Variants in PPP2R2B observed in about 807,000 individuals in gnomAD.
PPP2R2B encodes the protein serine/threonine-protein phosphatase 2A 55 kDa regulatory subunit B beta isoform.
PPP2R2B carries 5 observed loss-of-function variants against 46.0 expected under a neutral mutation model. The ratio of observed to expected loss-of-function variants is 0.11; its 90% CI spans 0.06 to 0.23. PPP2R2B has a LOEUF of 0.23. Among genes scored for constraint, PPP2R2B ranks in the 10% least tolerant of loss-of-function variants. The probability of loss-of-function intolerance (pLI) is 1.00; values close to 1 mark genes in which losing one functional copy is unlikely to be tolerated. For missense variants in PPP2R2B, 367 were observed against 575.0 expected (o/e 0.64, Z 3.70); for synonymous variants, 215 against 206.7 (o/e 1.04, Z -0.34).
At chr5:146,984,580 AATGT>A (rs879681073) in intron 1 of PPP2R2B, among the ~76,000 whole-genome samples, 1 of 152,146 alleles carries the variant, frequency 6.6e-6, no homozygotes, top group Non-Finnish European at 1.5e-5. Context: ...AACTGATTTT[AATGT>A]CTTTGTGAAT....
At chr5:146,735,584 A>G (rs1320027790) in intron 2 of PPP2R2B, among the ~76,000 whole-genome samples, 1 of 152,178 alleles carries the variant, frequency 6.6e-6, no homozygotes, top group Non-Finnish European at 1.5e-5. Context: ...GGGGAAAAAA[A>G]GAGTCTCACA....
intron 1 of PPP2R2B, among the ~76,000 whole-genome samples, chr5:146,947,115 A>T (rs1764508859): frequency 6.6e-6 from 1 of 152,146 alleles, no homozygotes; most frequent in Non-Finnish European, 1.5e-5. Context: ...TTAGGGAAAA[A>T]TTCCATAATA....
At chr5:146,680,373 T>C (rs1778070514) in intron 5 of PPP2R2B, among the ~76,000 whole-genome samples, 1 of 139,142 alleles carries the variant, frequency 7.2e-6, no homozygotes, top group Non-Finnish European at 1.5e-5. Flanking sequence ...GGAAGGGGAA[T>C]ATCACACTCT....
intron 9 of PPP2R2B, 72 bp downstream of exon 9, chr5:146,592,899 A>T: frequency 6.9e-7 from 1 of 1,451,470 alleles, no homozygotes. Context: ...GCTGTACTCT[A>T]CTTAGGATAA....
At chr5:146,714,444 C>T (rs939780586) in intron 2 of PPP2R2B, among the ~76,000 whole-genome samples, 2 of 151,956 alleles carry the variant, frequency 1.3e-5, no homozygotes, top group Non-Finnish European at 2.9e-5. Context: ...CAAGAGAGTA[C>T]TTTCACAGTG....
At position 146,585,701 on chromosome 5, in the gene PPP2R2B, G is replaced by A. The variant is rs1309827770; in HGVS notation, c.*4246C>T. 6.6e-6 allele frequency: 1 copy of A among 152,208 alleles called. No homozygotes were observed. Among genetic ancestry groups the A allele is most frequent in the Non-Finnish European group, 1.5e-5 (1 of 68,044 alleles). The allele number at this position is 152,208 out of a possible 1,614,324, so 9.4% of individuals were successfully genotyped here. On this transcript the variant is annotated 3_prime_UTR_variant, in exon 10 of 10. Transcript: ENST00000394411. ...TGCCACCATGGGGTCTGGGAGAGGA[G>A]ATAATGAGATGAGGCATGGAAAGCA...
Position 146,588,033 on chromosome 5 carries a change from A to G in PPP2R2B, c.*1914T>C, listed in dbSNP as rs907631845. ...GCCTTCTGCAAAATCATCACTCTCTATGACTGGCAGAAGTTTCTGACTCTC... is the reference window on the plus strand; with the variant it reads ...GCCTTCTGCAAAATCATCACTCTCTGTGACTGGCAGAAGTTTCTGACTCTC... On this transcript the variant is annotated 3_prime_UTR_variant, in exon 10 of 10. Coordinates refer to ENST00000394411, the MANE Select transcript of PPP2R2B (RefSeq NM_181675.4). 1 of 152,166 alleles carries G rather than the reference A, an allele frequency of 6.6e-6. No individual in the cohort carries two copies. The highest frequency in any genetic ancestry group is 1.5e-5 in the Non-Finnish European group (1 of 68,028). 9.4% of individuals were successfully genotyped at this position (152,166 alleles called of 1,614,324 possible). A position where few individuals can be genotyped will look rare whatever the true frequency, so the allele number is the denominator to read the frequency against.
chr5:146,680,164 G>C (rs552671181), intron 5 of PPP2R2B, among the ~76,000 whole-genome samples: 1,067 of 141,952 alleles, frequency 7.5e-3, no homozygotes, highest in Non-Finnish European at 0.011. Flanking sequence ...AACAATGATA[G>C]ACTGGATTAA....
intron 7 of PPP2R2B, among the ~76,000 whole-genome samples, chr5:146,603,170 A>G (rs914490659): frequency 5.3e-5 from 8 of 152,202 alleles, no homozygotes; most frequent in Non-Finnish European, 1.2e-4. Flanking sequence ...AGTATATGCC[A>G]TCACTATTTT....
Position 146,809,617 on chromosome 5 carries a change from G to T in PPP2R2B, c.70+68385C>A, listed in dbSNP as rs72823280. 3.1e-3 allele frequency among the ~76,000 whole-genome samples: 476 copies of T among 152,310 alleles called. 10 individuals are homozygous for T. The South Asian group carries it at 0.041, about 13-fold the overall frequency. ...GGAAGGACGAAGCAGCTAGCCTGCA[G>T]CCAGAGCTTAGTAAGCAAGGAGTGG... On this transcript the variant is annotated intron_variant, in intron 2 of 9. Transcript: ENST00000394411.
chr5:147,042,230 C>G (rs1249828321), intron 1 of PPP2R2B, among the ~76,000 whole-genome samples: 1 of 152,078 alleles, frequency 6.6e-6, no homozygotes. Flanking sequence ...AGACCCCCCC[C>G]TCCCCTTTCT....
At chr5:146,959,502 TG>T (rs999369399) in intron 1 of PPP2R2B, among the ~76,000 whole-genome samples, 7 of 152,196 alleles carry the variant, frequency 4.6e-5, no homozygotes, top group Non-Finnish European at 8.8e-5. Context: ...ACCTATTGCC[TG>T]GCAGAGTGAG....
chr5:146,906,558 G>A (rs1345863402), intron 1 of PPP2R2B, among the ~76,000 whole-genome samples: 3 of 152,298 alleles, frequency 2.0e-5, no homozygotes, highest in African/African-American at 7.2e-5. Context: ...CCGATCTCAG[G>A]TGATCCGCCT....
At chr5:146,740,159 G>A (rs927834053) in intron 2 of PPP2R2B, among the ~76,000 whole-genome samples, 2 of 152,166 alleles carry the variant, frequency 1.3e-5, no homozygotes, top group Non-Finnish European at 2.9e-5. Context: ...GCTAAATGGT[G>A]GTTCTCACCA....
rs1754057233 is a variant in PPP2R2B, at chr5:146,999,206, C to T, written c.79+56459G>A. Among the ~76,000 whole-genome samples the T allele has an allele frequency of 2.6e-5, 4 of 151,920 alleles. No homozygotes were observed. The South Asian group carries it at 8.3e-4, about 32-fold the overall frequency. ...GTGATAAGCAAAAGAAGATGAGGCT[C>T]CTGCCATCACAAATTCTACAGTAGA... On this transcript the variant is annotated intron_variant, in intron 1 of 8. Coordinates refer to the PPP2R2B transcript ENST00000336640.
intron 2 of PPP2R2B, among the ~76,000 whole-genome samples, chr5:147,065,133 T>C (rs1000790491): frequency 2.6e-5 from 4 of 152,162 alleles, no homozygotes; most frequent in Admixed American, 6.5e-5. Context: ...GAGTATGGAC[T>C]AGTAGAGAAA....
intron 1 of PPP2R2B, among the ~76,000 whole-genome samples, chr5:146,996,843 A>T (rs1753944698): frequency 1.3e-5 from 2 of 151,612 alleles, no homozygotes; most frequent in South Asian, 4.2e-4. Flanking sequence ...TCCTCTCCTC[A>T]CTCCATGTCC....
rs1392079850 is a variant in PPP2R2B, at chr5:147,023,957, C to T, written c.79+31708G>A. 7.2e-5 allele frequency among the ~76,000 whole-genome samples: 11 copies of T among 152,212 alleles called. No individual in the cohort carries two copies. The East Asian group carries it at 2.1e-3, about 29-fold the overall frequency. ...TTCATCTGCAGAATTTACACCAATG[C>T]CCCACAGGCCCCTCCAGTTCTCAGG... On this transcript the variant is annotated intron_variant, in intron 1 of 8. Transcript: ENST00000336640.
At chr5:146,910,929 C>G (rs1282620327) in intron 1 of PPP2R2B, among the ~76,000 whole-genome samples, 1 of 152,136 alleles carries the variant, frequency 6.6e-6, no homozygotes, top group African/African-American at 2.4e-5. Flanking sequence ...AATTTATGTT[C>G]CATATTCGTC....
Sources: allele counts gnomAD v4.1 joint callset (sites outside exome capture counted in the v4.1 genomes callset), GRCh38; gene constraint gnomAD v4.1.1; transcripts MANE v1.5; gene names NCBI Gene and HGNC (gene_info 2026-07-23, HGNC 2026-07-21).